The following REV3L variants were observed in gnomAD, a reference collection of about 807,000 sequenced individuals.
REV3L encodes DNA polymerase zeta catalytic subunit.
REV3L carries 69 observed loss-of-function variants against 299.4 expected under a neutral mutation model. The ratio of observed to expected loss-of-function variants is 0.23; its 90% CI spans 0.19 to 0.28. The LOEUF is 0.28. Among genes scored for constraint, REV3L ranks in the 10% least tolerant of loss-of-function variants. The probability of loss-of-function intolerance (pLI) is 1.00; values close to 1 mark genes in which losing one functional copy is unlikely to be tolerated. For missense variants in REV3L, 3,128 were observed against 3,693.8 expected, an observed-to-expected ratio of 0.85 and a Z score of 3.97; for synonymous variants, 1,238 against 1,271.4, an observed-to-expected ratio of 0.97 and a Z score of 0.56.
intron 1 of REV3L, among the ~76,000 whole-genome samples, chr6:111,434,553 A>C (rs1441247968): frequency 6.6e-6 from 1 of 151,400 alleles, no homozygotes; most frequent in East Asian, 1.9e-4. Flanking sequence ...CGGGAAGCGG[A>C]GCTTGCAGTG....
chr6:111,383,180 G>A (rs1057145532), intron 9 of REV3L, among the ~76,000 whole-genome samples: 4 of 152,176 alleles, frequency 2.6e-5, no homozygotes, highest in Admixed American at 2.6e-4. Flanking sequence ...ACAGCACTGG[G>A]AAAAATTGAA....
intron 4 of REV3L, among the ~76,000 whole-genome samples, chr6:111,403,796 G>GT (rs1028998115): frequency 3.3e-5 from 5 of 152,202 alleles, no homozygotes; most frequent in Admixed American, 3.3e-4. Context: ...GCTTACCAAG[G>GT]AAGGCATGTC....
intron 13 of REV3L, among the ~76,000 whole-genome samples, chr6:111,370,626 A>C (rs1779707060): frequency 6.6e-6 from 1 of 152,224 alleles, no homozygotes; most frequent in African/African-American, 2.4e-5. Flanking sequence ...TCTTAAATGG[A>C]TTCCTATAGG....
chr6:111,342,492 C>A (rs2114896554), intron 21 of REV3L, among the ~76,000 whole-genome samples: 1 of 152,164 alleles, frequency 6.6e-6, no homozygotes, highest in African/African-American at 2.4e-5. Context: ...CATGGTGAAA[C>A]CCCGTCTCTA....
chr6:111,355,654 A>G (rs1778011774), intron 18 of REV3L, among the ~76,000 whole-genome samples: 1 of 152,170 alleles, frequency 6.6e-6, no homozygotes, highest in Non-Finnish European at 1.5e-5. Flanking sequence ...AGGTAATCCT[A>G]TCATTGGGAA....
chr6:111,304,613 CTT>C (rs57907202), intron 31 of REV3L, among the ~76,000 whole-genome samples: 15 of 116,548 alleles, frequency 1.3e-4, no homozygotes, highest in South Asian at 2.9e-4. Context: ...ATCGCTTTTT[CTT>C]TTTTTTTTTT....
intron 31 of REV3L, among the ~76,000 whole-genome samples, chr6:111,306,945 C>T (rs537689601): frequency 5.3e-5 from 8 of 152,302 alleles, no homozygotes; most frequent in African/African-American, 1.9e-4. Context: ...ATTATACTTA[C>T]TGGTTGAGTA....
intron 13 of REV3L, among the ~76,000 whole-genome samples, chr6:111,370,130 C>T (rs1383737307): frequency 1.3e-5 from 2 of 152,124 alleles, no homozygotes; most frequent in Non-Finnish European, 2.9e-5. Flanking sequence ...CGTGCCCGGC[C>T]TACAGTTTCA....
chr6:111,366,710 TG>T (rs1779255516), intron 14 of REV3L, among the ~76,000 whole-genome samples: 1 of 152,150 alleles, frequency 6.6e-6, no homozygotes, highest in African/African-American at 2.4e-5. Flanking sequence ...GGTAAATAAC[TG>T]GAGTTGTCAA....
rs142632414 is a variant in REV3L, at chr6:111,378,405, A to C, written c.1455-562T>G. Among the ~76,000 whole-genome samples the C allele has an allele frequency of 8.9e-4, 135 of 152,274 alleles. 1 individual carries two copies. The highest frequency in any genetic ancestry group is 3.1e-3 in the African/African-American group (130 of 41,562). ...TCCATACCCAATTTTTTCTTTCACT[A>C]ATCTCAACAATTTGAAATTATTATT... On this transcript the variant is annotated intron_variant, in intron 11 of 31. Transcript: ENST00000368802.
chr6:111,386,778 G>GCC (rs972517014), intron 9 of REV3L, among the ~76,000 whole-genome samples: 1 of 141,108 alleles, frequency 7.1e-6, no homozygotes, highest in Non-Finnish European at 1.5e-5. Flanking sequence ...CTGGAATGCA[G>GCC]TGGCATCATC....
chr6:111,479,365 G>C (rs12213391), intron 1 of REV3L, among the ~76,000 whole-genome samples: 16,389 of 152,132 alleles, frequency 0.11, 1,169 homozygotes, highest in Middle Eastern at 0.21. Context: ...AAAAAATGGA[G>C]AGGAAATTTG....
intron 2 of REV3L, among the ~76,000 whole-genome samples, chr6:111,415,137 C>T (rs536093213): frequency 6.6e-6 from 1 of 152,118 alleles, no homozygotes; most frequent in Non-Finnish European, 1.5e-5. Context: ...GAGTGATTAA[C>T]AAACTTAAGC....
rs1780037594 is a variant in REV3L at position 111,373,874 on chromosome 6, C to T, written c.4481G>A (p.Arg1494Lys). ...TTGTGAAATTGCTTCTGATAACGACCTCGGTTTTACTCTTTCAGGTTTAAA... is the reference window on the plus strand; with the variant it reads ...TTGTGAAATTGCTTCTGATAACGACTTCGGTTTTACTCTTTCAGGTTTAAA... ...SNFKPERVKP[R>K]SLSEAISQTK... The change falls in exon 13 of 32, where the codon AGG becomes AAG. Residue 1494 changes from arginine (R) to lysine (K), a missense_variant. Arg to Lys is a conservative substitution (Grantham distance 26). Transcript: ENST00000368802. 2 of 1,613,754 alleles carry T rather than the reference C, an allele frequency of 1.2e-6. No individual in the cohort carries two copies. Among genetic ancestry groups the T allele is most frequent in the Admixed American group, 3.3e-5 (2 of 59,962 alleles).
intron 1 of REV3L, among the ~76,000 whole-genome samples, chr6:111,451,768 A>C (rs1789573575): frequency 1.3e-5 from 2 of 152,078 alleles, no homozygotes; most frequent in Non-Finnish European, 2.9e-5. Context: ...GACATAAACT[A>C]CAAGAAAACA....
chr6:111,438,057 G>A (rs1050626363), intron 1 of REV3L, among the ~76,000 whole-genome samples: 3 of 150,616 alleles, frequency 2.0e-5, no homozygotes, highest in East Asian at 1.9e-4. Flanking sequence ...ACAGGGTCTC[G>A]CTAAGTGCTT....
chr6:111,327,183 A>G (rs1339605383), intron 25 of REV3L, among the ~76,000 whole-genome samples: 1 of 152,208 alleles, frequency 6.6e-6, no homozygotes, highest in African/African-American at 2.4e-5. Flanking sequence ...AAAATAGTAT[A>G]ATTTCTGCAT....
Position 111,381,045 on chromosome 6 carries a change from T to C in REV3L, c.1216+280A>G, listed in dbSNP as rs73765950. Among the ~76,000 whole-genome samples, 237 of 152,382 alleles carry C rather than the reference T, an allele frequency of 1.6e-3. 2 individuals are homozygous for C. The highest frequency in any genetic ancestry group is 5.1e-3 in the African/African-American group (214 of 41,592). ...TAATGTACTGAACTTTGCAAAATAT[T>C]AATTCAAAATAAATGCATTTTCCTT... On this transcript the variant is annotated intron_variant, in intron 10 of 31. Coordinates refer to ENST00000368802, the MANE Select transcript of REV3L (RefSeq NM_001372078.1).
rs770346380 is a variant in REV3L, at chr6:111,367,428, A to T, written c.6360T>A (p.Pro2120=). The T allele has an allele frequency of 3.1e-6, 5 of 1,611,488 alleles. No homozygotes were observed. The highest frequency in any genetic ancestry group is 4.2e-6 in the Non-Finnish European group (5 of 1,179,002). Residue 2120 remains proline, a synonymous_variant, in exon 14 of 32, where the codon CCT becomes CCA. Transcript: ENST00000368802. ...GCCAAGGGGGAATTACTGGAGAATCAGGGGAGCTATAACTAATGTAATAGT... is the reference window on the plus strand; with the variant it reads ...GCCAAGGGGGAATTACTGGAGAATCTGGGGAGCTATAACTAATGTAATAGT... ...DDNYYISYSS[P]DSPVIPPWQQ...
Sources: allele counts gnomAD v4.1 joint callset (sites outside exome capture counted in the v4.1 genomes callset), GRCh38; gene constraint gnomAD v4.1.1; transcripts MANE v1.5; gene names NCBI Gene and HGNC (gene_info 2026-07-23, HGNC 2026-07-21).